DTWD2: variants seen among roughly 807,000 people sequenced by gnomAD.
DTWD2 encodes the protein DTW motif tRNA-uridine aminocarboxypropyltransferase 2.
DTWD2 carries 39 observed loss-of-function variants against 31.8 expected under a neutral mutation model. That is an observed-to-expected ratio of 1.22 (90% CI 0.95 to 1.60). DTWD2 has a LOEUF of 1.60. Among genes scored for constraint, DTWD2 ranks in the 40% most tolerant of loss-of-function variants. DTWD2 has a pLI of 0.00. For synonymous variants in DTWD2, 180 were observed against 142.8 expected, an observed-to-expected ratio of 1.26 and a Z score of -1.86; for missense variants, 515 against 381.5, an observed-to-expected ratio of 1.35 and a Z score of -2.92.
At chr5:118,850,338 G>A (rs937219142) in intron 4 of DTWD2, among the ~76,000 whole-genome samples, 4 of 148,432 alleles carry the variant, frequency 2.7e-5, no homozygotes, top group Non-Finnish European at 6.0e-5. Context: ...ACATTGCCAG[G>A]TGTGGTGCAT....
At chr5:118,910,143 G>T (rs1753425154) in intron 4 of DTWD2, among the ~76,000 whole-genome samples, 1 of 152,126 alleles carries the variant, frequency 6.6e-6, no homozygotes, top group Non-Finnish European at 1.5e-5. Context: ...CATGGCCAGG[G>T]TGACAATTTT....
At chr5:118,925,263 A>C (rs774708644) in intron 4 of DTWD2, among the ~76,000 whole-genome samples, 5 of 152,226 alleles carry the variant, frequency 3.3e-5, no homozygotes, top group Admixed American at 6.5e-5. Context: ...AAACAGTCCA[A>C]GTATACCAAA....
At chr5:118,846,983 A>C (rs1751874022) in intron 5 of DTWD2, among the ~76,000 whole-genome samples, 1 of 150,280 alleles carries the variant, frequency 6.7e-6, no homozygotes, top group Non-Finnish European at 1.5e-5. Context: ...CGAAAATCCT[A>C]GTTTTTTCAA....
At chr5:118,934,391 CTTA>C (rs1753991923) in intron 3 of DTWD2, among the ~76,000 whole-genome samples, 1 of 150,842 alleles carries the variant, frequency 6.6e-6, no homozygotes, top group Admixed American at 6.6e-5. Flanking sequence ...CCCAGTTTCC[CTTA>C]TTATCTAAAA....
intron 1 of DTWD2, among the ~76,000 whole-genome samples, chr5:118,967,298 T>C (rs1754874610): frequency 6.6e-6 from 1 of 152,156 alleles, no homozygotes. Flanking sequence ...GATTTAGAAA[T>C]AGATATAGGT....
At chr5:118,883,913 C>A (rs547578725) in intron 4 of DTWD2, among the ~76,000 whole-genome samples, 9 of 152,226 alleles carry the variant, frequency 5.9e-5, no homozygotes, top group Admixed American at 3.3e-4. Context: ...AATGGTGGGG[C>A]TATGAACTTC....
chr5:118,935,349 GAAGTTC>G (rs1332260994), intron 3 of DTWD2, among the ~76,000 whole-genome samples: 3 of 152,178 alleles, frequency 2.0e-5, no homozygotes, highest in Non-Finnish European at 4.4e-5. Flanking sequence ...TGATCAGTCA[GAAGTTC>G]CTGAGGCCCG....
At chr5:118,968,471 G>A (rs1030863354) in intron 1 of DTWD2, among the ~76,000 whole-genome samples, 2 of 152,228 alleles carry the variant, frequency 1.3e-5, no homozygotes, top group African/African-American at 4.8e-5. Flanking sequence ...TCACTAGGTG[G>A]ATGGCTAAAC....
chr5:118,956,746 G>A (rs1377122125), intron 1 of DTWD2, among the ~76,000 whole-genome samples: 1 of 152,122 alleles, frequency 6.6e-6, no homozygotes, highest in Admixed American at 6.5e-5. Context: ...CAGAAAAATA[G>A]TGCACCTCAA....
In DTWD2 at chr5:118,839,171, T is replaced by C. The variant is rs1323593537; in HGVS notation, c.*1746A>G. 6.6e-6 allele frequency: 1 copy of C among 151,528 alleles called. No homozygotes were observed. Among genetic ancestry groups the C allele is most frequent in the Non-Finnish European group, 1.5e-5 (1 of 67,840 alleles). The allele number at this position is 151,528 out of a possible 1,614,324, so 9.4% of individuals were successfully genotyped here. A position where few individuals can be genotyped will look rare whatever the true frequency, so the allele number is the denominator to read the frequency against. ...AGCGAGATTCCATCTCAAATAATAA[T>C]AATAATAATAATAATGACTAAAAGA... On this transcript the variant is annotated 3_prime_UTR_variant, in exon 6 of 6. Coordinates refer to ENST00000510708, the MANE Select transcript of DTWD2 (RefSeq NM_173666.4).
chr5:118,881,266 T>C (rs888329910), intron 4 of DTWD2, among the ~76,000 whole-genome samples: 2 of 152,182 alleles, frequency 1.3e-5, no homozygotes, highest in African/African-American at 4.8e-5. Context: ...CTGATACCTT[T>C]GCTTTCTGTT....
intron 4 of DTWD2, among the ~76,000 whole-genome samples, chr5:118,885,416 C>A (rs1338933251): frequency 2.2e-5 from 3 of 138,412 alleles, no homozygotes; most frequent in Admixed American, 7.8e-5. Flanking sequence ...CGAGCCACTG[C>A]ACTGCACTCC....
At chr5:118,981,572 T>C (rs1054905779) in intron 1 of DTWD2, among the ~76,000 whole-genome samples, 16 of 151,450 alleles carry the variant, frequency 1.1e-4, no homozygotes, top group Admixed American at 9.9e-4. Flanking sequence ...CCCCTCCCTC[T>C]CTCTAAGAGA....
chr5:118,857,289 T>C lies in DTWD2; in HGVS notation c.598-9071A>G, dbSNP rs187970438. ...TTTTTTAAATTAAGTATAACCTCTA[T>C]GTGTACATACGTATACATACATAAT... On this transcript the variant is annotated intron_variant, in intron 4 of 5. Coordinates refer to ENST00000510708, the MANE Select transcript of DTWD2 (RefSeq NM_173666.4). 2.9e-4 allele frequency among the ~76,000 whole-genome samples: 44 copies of C among 152,312 alleles called. No homozygotes were observed. In the East Asian group the frequency reaches 7.9e-3, roughly 27 times the overall value.
At chr5:118,957,475 C>T (rs1179123046) in intron 1 of DTWD2, among the ~76,000 whole-genome samples, 2 of 152,070 alleles carry the variant, frequency 1.3e-5, no homozygotes, top group Non-Finnish European at 2.9e-5. Context: ...CTGCCTTGGC[C>T]TCACAAAGTG....
At chr5:118,964,040 T>C (rs1404619085) in intron 1 of DTWD2, among the ~76,000 whole-genome samples, 3 of 151,952 alleles carry the variant, frequency 2.0e-5, no homozygotes, top group Admixed American at 1.3e-4. Flanking sequence ...TAAAACCTCA[T>C]CTCTATTAAA....
chr5:118,913,776 TATAAAACCAA>T (rs1580802773), intron 4 of DTWD2, among the ~76,000 whole-genome samples: 2 of 152,018 alleles, frequency 1.3e-5, no homozygotes, highest in East Asian at 3.9e-4. Context: ...CAAACATGAT[TATAAAACCAA>T]ATAAAACTGT....
intron 4 of DTWD2, among the ~76,000 whole-genome samples, chr5:118,866,693 C>T (rs774577437): frequency 6.6e-6 from 1 of 151,982 alleles, no homozygotes; most frequent in East Asian, 1.9e-4. Context: ...CCAAGAAGGG[C>T]GAATCATGAG....
At chr5:118,951,308 G>A (rs1220585661) in intron 1 of DTWD2, among the ~76,000 whole-genome samples, 3 of 152,148 alleles carry the variant, frequency 2.0e-5, no homozygotes, top group African/African-American at 7.2e-5. Flanking sequence ...GCAGCCTGGG[G>A]AGGAAGAGAG....
Sources: gnomAD v4.1 joint callset for allele counts (sites outside exome capture counted in the v4.1 genomes callset) on GRCh38, gnomAD v4.1.1 for gene constraint, MANE v1.5 for transcripts, NCBI Gene and HGNC (gene_info 2026-07-23, HGNC 2026-07-21) for gene names.